Variants in VWF observed in about 807,000 individuals in gnomAD.
VWF encodes Factor VIII related antigen.
Under a neutral mutation model 308.6 loss-of-function variants are expected in VWF, and 176 were observed. The observed-to-expected ratio is 0.57, with a 90% CI of 0.50 to 0.65. The LOEUF (loss-of-function observed/expected upper bound fraction) is 0.65, where lower values mean the gene tolerates loss of function less well. Ranked by LOEUF, VWF falls within the 30% of genes least tolerant of loss-of-function variation. The pLI is 0.00. For missense variants in VWF, 3,146 were observed against 3,648.2 expected, an observed-to-expected ratio of 0.86 and a Z score of 3.55; for synonymous variants, 1,385 against 1,443.4, an observed-to-expected ratio of 0.96 and a Z score of 0.92.
intron 5 of VWF, chr12:6,095,956 GCCA>G: frequency 2.9e-6 from 1 of 350,456 alleles, no homozygotes; most frequent in South Asian, 2.3e-5. Context: ...GCAGGTGTGG[GCCA>G]CCACACCAGG....
chr12:6,090,163 T>C (rs1945015662), intron 6 of VWF, among the ~76,000 whole-genome samples: 2 of 152,232 alleles, frequency 1.3e-5, no homozygotes, highest in African/African-American at 4.8e-5. Context: ...TTCACCATGT[T>C]AGCCAGGATG....
chr12:5,954,425 T>C (rs1009299978), intron 47 of VWF, among the ~76,000 whole-genome samples: 4 of 152,114 alleles, frequency 2.6e-5, no homozygotes, highest in Non-Finnish European at 5.9e-5. Context: ...AAGAATAAAG[T>C]CTAGATTATT....
At chr12:6,016,985 C>G in intron 28 of VWF, 115 bp from the exon 29 acceptor site, 2 of 1,155,878 alleles carry the variant, frequency 1.7e-6, no homozygotes, top group South Asian at 2.5e-5. Context: ...GTGGCACCAC[C>G]AAGGGGGGCG....
rs10535241 is a variant in VWF at position 5,983,463 on chromosome 12, TGATAGATA to T, written c.6977-217_6977-210del. Among the ~76,000 whole-genome samples the T allele has an allele frequency of 4.2e-4, 63 of 149,654 alleles. No individual in the cohort carries two copies. The Middle Eastern group carries it at 0.014, about 34-fold the overall frequency. On this transcript the variant is annotated intron_variant, in intron 40 of 51. Transcript: ENST00000261405. ...GATAACTAGATACATGAGATAGATT[TGATAGATA>T]GATAGATACATACATACATACATAC... is the stretch of plus-strand genomic sequence containing the variant.
At chr12:6,091,085 GA>G (rs996461238) in intron 6 of VWF, among the ~76,000 whole-genome samples, 8 of 152,172 alleles carry the variant, frequency 5.3e-5, no homozygotes, top group Admixed American at 3.3e-4. Flanking sequence ...AAGTCCAAGG[GA>G]AAAAGTCTTT....
At chr12:5,976,362 G>T in intron 42 of VWF, 102 bp from the exon 43 acceptor site, 2 of 1,498,204 alleles carry the variant, frequency 1.3e-6, no homozygotes, top group Non-Finnish European at 9.2e-7. Flanking sequence ...TGAGAATGTG[G>T]CAATAAATAA....
At chr12:6,086,317 G>A (rs1565858164) in intron 6 of VWF, among the ~76,000 whole-genome samples, 1 of 152,098 alleles carries the variant, frequency 6.6e-6, no homozygotes, top group South Asian at 2.1e-4. Flanking sequence ...CATCAAAACG[G>A]GGAAAGACAC....
intron 24 of VWF, 96 bp from the exon 25 acceptor site, chr12:6,023,883 G>T: frequency 7.1e-7 from 1 of 1,403,240 alleles, no homozygotes; most frequent in Non-Finnish European, 9.9e-7. Context: ...TCAATTTAAG[G>T]ATAAGGGGGT....
chr12:6,065,193 G>A lies in VWF; in HGVS notation c.1237C>T (p.Leu413=). The change falls in exon 11 of 52, where the codon CTG becomes TTG. Residue 413 remains leucine, a synonymous_variant. Coordinates refer to ENST00000261405, the MANE Select transcript of VWF (RefSeq NM_000552.5). The part of the protein sequence containing the change: ...YFTFSGICQY[L]LARDCQDHSF... ...TGGTCCTGGCAATCCCGGGCCAGCA[G>A]GTACTGGCAGATCCCACTGAAGGTG... The A allele has an allele frequency of 6.2e-7, 1 of 1,614,188 alleles. No individual in the cohort carries two copies. The highest frequency in any genetic ancestry group is 1.3e-5 in the African/African-American group (1 of 75,048).
chr12:6,075,168 G>A lies in VWF; in HGVS notation c.874+167C>T, dbSNP rs1944827786. Among the ~76,000 whole-genome samples, 1 of 152,132 alleles carries A rather than the reference G, an allele frequency of 6.6e-6. No individual in the cohort carries two copies. Among genetic ancestry groups the A allele is most frequent in the Non-Finnish European group, 1.5e-5 (1 of 68,024 alleles). ...GGGAAGCCCGTTTGACAGAGGGCAG[G>A]AGCCATTCAGGAAATGGGTCCGGGA... On this transcript the variant is annotated intron_variant, in intron 7 of 51. Transcript: ENST00000261405. The surrounding 1 kb of genome is among the most constrained non-coding windows in gnomAD (Gnocchi z 4.7).
intron 35 of VWF, 71 bp from the exon 36 acceptor site, chr12:5,994,678 G>A (rs17491334): frequency 0.14 from 196,057 of 1,411,594 alleles, 14,748 homozygotes; most frequent in Non-Finnish European, 0.16. Flanking sequence ...GGAAGTTACC[G>A]AGAGTTCCTG....
chr12:6,118,382 T>A (rs1222544761), intron 3 of VWF, among the ~76,000 whole-genome samples: 1 of 115,054 alleles, frequency 8.7e-6, no homozygotes, highest in South Asian at 3.0e-4. Context: ...GTCACTTTTT[T>A]TTTTTTTTTT....
chr12:6,095,570 C>A lies in VWF; in HGVS notation c.547G>T (p.Asp183Tyr), dbSNP rs1189316912. ...FMTQEGTLTS[D>Y]PYDFANSWAL... ...CATGAGTTGGCAAAGTCATAAGGGT[C>A]CGAGGTCAAGGTCCCTGTGGAGGAA... The change falls in exon 6 of 52, where the codon GAC (aspartate) becomes TAC (tyrosine). Residue 183 changes from aspartate to tyrosine, a missense_variant. Around this residue, in one of 3 missense-constraint regions of VWF, gnomAD observed 1,304 missense variants for 1,353.0 expected, o/e 0.96. Transcript: ENST00000261405. 1.2e-6 allele frequency: 2 copies of A among 1,614,152 alleles called. No individual in the cohort carries two copies. The highest frequency in any genetic ancestry group is 3.3e-5 in the Admixed American group (2 of 60,020).
intron 37 of VWF, among the ~76,000 whole-genome samples, chr12:5,993,269 T>C (rs930813408): frequency 2.0e-5 from 3 of 152,230 alleles, no homozygotes; most frequent in Non-Finnish European, 4.4e-5. Flanking sequence ...TCTGATTCAT[T>C]TCAGTTTCCC....
intron 3 of VWF, among the ~76,000 whole-genome samples, chr12:6,111,652 C>T (rs551587161): frequency 1.3e-5 from 2 of 152,150 alleles, no homozygotes; most frequent in Non-Finnish European, 2.9e-5. Context: ...CCTAGCAGTG[C>T]TATTTAAAAT....
intron 47 of VWF, among the ~76,000 whole-genome samples, chr12:5,962,309 A>AT (rs954007261): frequency 5.3e-5 from 8 of 152,110 alleles, no homozygotes; most frequent in African/African-American, 1.4e-4. Flanking sequence ...CACTTTAAAC[A>AT]TTTTTTTAAT....
At chr12:5,964,314 C>T (rs964804958) in intron 47 of VWF, among the ~76,000 whole-genome samples, 1 of 125,694 alleles carries the variant, frequency 8.0e-6, no homozygotes, top group African/African-American at 3.2e-5. Context: ...AGCTACCAAG[C>T]TACCATCTAC....
chr12:6,047,644 T>A (rs1305314499), intron 16 of VWF, among the ~76,000 whole-genome samples: 1 of 152,240 alleles, frequency 6.6e-6, no homozygotes. Context: ...ACTGACTGCA[T>A]ATTTTTATAA....
chr12:6,122,564 C>T (rs1275462734), intron 2 of VWF: 3 of 317,576 alleles, frequency 9.4e-6, no homozygotes, highest in South Asian at 5.0e-5. Context: ...CACCTGTGGG[C>T]AGTAGCTGGA....
Sources: allele counts gnomAD v4.1 joint callset (sites outside exome capture counted in the v4.1 genomes callset), GRCh38; gene constraint gnomAD v4.1.1; regional missense constraint gnomAD v4.1.1; non-coding constraint Gnocchi (gnomAD v3.1); transcripts MANE v1.5; gene names NCBI Gene and HGNC (gene_info 2026-07-23, HGNC 2026-07-21).